The following LAMA4 variants were observed in gnomAD, a reference collection of about 807,000 sequenced individuals.
LAMA4 encodes laminin subunit alpha-4.
LAMA4 carries 127 observed loss-of-function variants against 207.1 expected under a neutral mutation model. The observed-to-expected ratio is 0.61, with a 90% CI of 0.53 to 0.71. The LOEUF (loss-of-function observed/expected upper bound fraction) is 0.71. Ranked by LOEUF, LAMA4 falls within the 30% of genes least tolerant of loss-of-function variation. The pLI, the probability that LAMA4 is intolerant of heterozygous loss-of-function variation, is 0.00. For missense variants in LAMA4, 2,093 were observed against 2,246.5 expected, an observed-to-expected ratio of 0.93 and a Z score of 1.38; for synonymous variants, 761 against 816.0, an observed-to-expected ratio of 0.93 and a Z score of 1.15.
intron 3 of LAMA4, among the ~76,000 whole-genome samples, chr6:112,211,917 G>A (rs570451584): frequency 6.6e-6 from 1 of 152,302 alleles, no homozygotes; most frequent in South Asian, 2.1e-4. Context: ...AGTAGAGGAA[G>A]GAGAGTCTGG....
chr6:112,182,539 GCT>G (rs1782431816), intron 9 of LAMA4, among the ~76,000 whole-genome samples: 1 of 152,222 alleles, frequency 6.6e-6, no homozygotes, highest in African/African-American at 2.4e-5. Flanking sequence ...AGGTTCAGAT[GCT>G]TTTGATGCTT....
chr6:112,200,898 G>A (rs375691561), intron 5 of LAMA4, among the ~76,000 whole-genome samples: 1 of 152,114 alleles, frequency 6.6e-6, no homozygotes, highest in African/African-American at 2.4e-5. Flanking sequence ...GGGGGGCAAG[G>A]GGAGGGATAG....
chr6:112,120,500 A>G, intron 32 of LAMA4, 28 bp from the exon 33 acceptor site: 3 of 1,546,702 alleles, frequency 1.9e-6, no homozygotes, highest in Non-Finnish European at 2.7e-6. Flanking sequence ...AGGGATTACC[A>G]TATGTAAAAT....
intron 5 of LAMA4, among the ~76,000 whole-genome samples, chr6:112,195,774 T>G (rs1783378046): frequency 6.6e-6 from 1 of 152,176 alleles, no homozygotes; most frequent in Non-Finnish European, 1.5e-5. Flanking sequence ...TGGGAGGCAG[T>G]GTGGAATACT....
Position 112,187,582 on chromosome 6 carries a change from C to T in LAMA4, c.834G>A (p.Trp278Ter), listed in dbSNP as rs996469973. ...CTAACCGCAGGTCATCAGTCAGGTCCCAGACGCACTTATCACAGCCTGGAG... is the reference window on the plus strand; with the variant it reads ...CTAACCGCAGGTCATCAGTCAGGTCTCAGACGCACTTATCACAGCCTGGAG... The part of the protein sequence containing the change: ...CPTISCDKCV[W>*]DLTDDLRLAA... Residue 278 changes from tryptophan to a stop codon, truncating the protein, a stop_gained, in exon 8 of 39, where the codon TGG (tryptophan) becomes TGA (stop). Transcript: ENST00000230538. LOFTEE classifies it high-confidence loss of function. 4 of 1,613,912 alleles carry T rather than the reference C, an allele frequency of 2.5e-6. No homozygotes were observed. Among genetic ancestry groups the T allele is most frequent in the Non-Finnish European group, 3.4e-6 (4 of 1,180,014 alleles).
At chr6:112,237,554 C>T (rs565063700) in intron 2 of LAMA4, among the ~76,000 whole-genome samples, 12 of 152,272 alleles carry the variant, frequency 7.9e-5, no homozygotes, top group East Asian at 1.9e-4. Context: ...AGCAACCTCC[C>T]GCTGCTCCGG....
At chr6:112,190,899 C>CTT (rs1226185472) in intron 6 of LAMA4, among the ~76,000 whole-genome samples, 1 of 80,856 alleles carries the variant, frequency 1.2e-5, no homozygotes, top group East Asian at 4.1e-4. Context: ...TTCTTTCTTT[C>CTT]TTTCTTTCTT....
chr6:112,152,162 A>T (rs1458350459), intron 16 of LAMA4, among the ~76,000 whole-genome samples: 4 of 152,100 alleles, frequency 2.6e-5, no homozygotes, highest in African/African-American at 7.2e-5. Flanking sequence ...TGCTGGCTTC[A>T]TAAAACAAGT....
intron 25 of LAMA4, among the ~76,000 whole-genome samples, chr6:112,134,937 C>CT (rs200187282): frequency 7.2e-4 from 108 of 150,724 alleles, no homozygotes; most frequent in Admixed American, 9.3e-4. Context: ...CCACCATTCT[C>CT]TTTTTTTTTA....
chr6:112,206,120 GTGAGTCATCT>G (rs1554354112), intron 4 of LAMA4, among the ~76,000 whole-genome samples: 1 of 152,188 alleles, frequency 6.6e-6, no homozygotes, highest in Non-Finnish European at 1.5e-5. Flanking sequence ...TCTAAACTCT[GTGAGTCATCT>G]TAATGAACTG....
intron 2 of LAMA4, among the ~76,000 whole-genome samples, chr6:112,232,359 A>G (rs1042898540): frequency 2.6e-5 from 4 of 152,236 alleles, no homozygotes; most frequent in African/African-American, 7.2e-5. Context: ...CTTTTAAAGC[A>G]TGAATGGTAT....
intron 12 of LAMA4, among the ~76,000 whole-genome samples, chr6:112,170,284 C>T (rs532072873): frequency 6.6e-6 from 1 of 152,300 alleles, no homozygotes; most frequent in South Asian, 2.1e-4. Context: ...TGGATGGGAT[C>T]TCCTGCAGGC....
At chr6:112,207,676 G>A (rs1300069948) in intron 3 of LAMA4, among the ~76,000 whole-genome samples, 1 of 152,002 alleles carries the variant, frequency 6.6e-6, no homozygotes, top group African/African-American at 2.4e-5. Context: ...CTCATGGGTT[G>A]GTATCTTGGA....
chr6:112,133,687 C>T (rs1779176073), intron 26 of LAMA4, among the ~76,000 whole-genome samples, 200 bp from the exon 27 acceptor site: 1 of 152,176 alleles, frequency 6.6e-6, no homozygotes, highest in Admixed American at 6.5e-5. Context: ...AAGCCAATTT[C>T]TTCCTTACAG....
intron 5 of LAMA4, among the ~76,000 whole-genome samples, chr6:112,195,266 G>C (rs782782874): frequency 6.6e-6 from 1 of 152,108 alleles, no homozygotes; most frequent in Non-Finnish European, 1.5e-5. Flanking sequence ...CAAAGTAGGT[G>C]CTATGTAAAT....
chr6:112,168,260 A>G (rs1781506938), intron 12 of LAMA4, among the ~76,000 whole-genome samples: 1 of 151,216 alleles, frequency 6.6e-6, no homozygotes, highest in Non-Finnish European at 1.5e-5. Context: ...GCTTAGTGTG[A>G]TGAAGCCTGG....
intron 21 of LAMA4, 144 bp downstream of exon 21, chr6:112,141,214 A>G: frequency 1.1e-6 from 1 of 895,102 alleles, no homozygotes; most frequent in Non-Finnish European, 1.9e-6. Flanking sequence ...AAGAAAACGG[A>G]GCAAGAATAA....
At chr6:112,136,433 T>C (rs1562647588) in intron 24 of LAMA4, among the ~76,000 whole-genome samples, 179 bp from the exon 25 acceptor site, 1 of 152,338 alleles carries the variant, frequency 6.6e-6, no homozygotes, top group East Asian at 1.9e-4. Flanking sequence ...GGCTCACACC[T>C]GTAATCCCAG....
At chr6:112,178,052 A>G (rs1211066612) in intron 10 of LAMA4, 69 bp downstream of exon 10, 1 of 1,083,398 alleles carries the variant, frequency 9.2e-7, no homozygotes, top group Non-Finnish European at 1.4e-6. Flanking sequence ...AGTAGCCATT[A>G]TGCCTACTGA....
Sources: allele counts gnomAD v4.1 joint callset (sites outside exome capture counted in the v4.1 genomes callset), GRCh38; gene constraint gnomAD v4.1.1; transcripts MANE v1.5; gene names NCBI Gene and HGNC (gene_info 2026-07-23, HGNC 2026-07-21).